Variants in GRM4 observed in about 807,000 individuals in gnomAD.
The protein encoded by GRM4 is glutamate metabotropic receptor 4.
Under a neutral mutation model 81.7 loss-of-function variants are expected in GRM4, and 28 were observed. The ratio of observed to expected loss-of-function variants is 0.34; its 90% CI spans 0.25 to 0.47. GRM4 has a LOEUF of 0.47. Ranked by LOEUF, GRM4 falls within the 20% of genes least tolerant of loss-of-function variation. The pLI is 1.00. For missense variants in GRM4, 948 were observed against 1,290.0 expected, an observed-to-expected ratio of 0.73 and a Z score of 4.06; for synonymous variants, 488 against 528.8, an observed-to-expected ratio of 0.92 and a Z score of 1.06.
At chr6:34,135,873 T>C (rs1770435400) in intron 1 of GRM4, among the ~76,000 whole-genome samples, 1 of 152,214 alleles carries the variant, frequency 6.6e-6, no homozygotes, top group Non-Finnish European at 1.5e-5. Context: ...CAGGAAAATC[T>C]GTAAAATGGG....
chr6:34,056,634 T>G lies in GRM4; in HGVS notation c.1078A>C (p.Ile360Leu). Residue 360 changes from isoleucine to leucine, a missense_variant, in exon 6 of 11, where the codon ATC (isoleucine) becomes CTC (leucine). Coordinates refer to ENST00000538487, the MANE Select transcript of GRM4 (RefSeq NM_000841.4). ...SRTLDNNRRN[I>L]WFAEFWEDNF... The stretch of plus-strand genomic sequence containing the variant: ...TCCTCCCAGAACTCGGCAAACCAGA[T>G]GTTGCGCCGGTTGTTGTCCAGCGTG... 2 of 1,613,844 alleles carry G rather than the reference T, an allele frequency of 1.2e-6. No individual in the cohort carries two copies. The highest frequency in any genetic ancestry group is 1.7e-6 in the Non-Finnish European group (2 of 1,179,976).
chr6:34,130,157 G>A lies in GRM4; in HGVS notation c.519+2821C>T, dbSNP rs759478299. On this transcript the variant is annotated intron_variant, in intron 2 of 10. Coordinates refer to ENST00000538487, the MANE Select transcript of GRM4 (RefSeq NM_000841.4). This position sits in a 1 kb window ranked among gnomAD's most constrained non-coding sequence, Gnocchi z 4.1. Reference sequence around the variant, plus strand: ...TTCAATCTTTTTGCTTCTGTAAATGGCTTTTAAGTTTCTCACCCAGCCTCT... The same window carrying A: ...TTCAATCTTTTTGCTTCTGTAAATGACTTTTAAGTTTCTCACCCAGCCTCT... Among the ~76,000 whole-genome samples the A allele has an allele frequency of 6.6e-6, 1 of 152,124 alleles. No homozygotes were observed. Among genetic ancestry groups the A allele is most frequent in the Non-Finnish European group, 1.5e-5 (1 of 68,012 alleles).
Position 34,049,637 on chromosome 6 carries a change from C to A in GRM4, c.1168+6907G>T, listed in dbSNP as rs143282631. On this transcript the variant is annotated intron_variant, in intron 6 of 10. Transcript: ENST00000538487. Reference sequence around the variant, plus strand: ...CTCCACCAAAGCCCTGCCTTCCTTCCCAGCCTGCTCCTCCTCCCGCCCACC... The same window carrying A: ...CTCCACCAAAGCCCTGCCTTCCTTCACAGCCTGCTCCTCCTCCCGCCCACC... Among the ~76,000 whole-genome samples, 16 of 152,282 alleles carry A rather than the reference C, an allele frequency of 1.1e-4. No homozygotes were observed. In the East Asian group the frequency reaches 2.9e-3, roughly 28 times the overall value.
At chr6:34,134,289 T>A (rs1186835738) in intron 1 of GRM4, among the ~76,000 whole-genome samples, 1 of 151,392 alleles carries the variant, frequency 6.6e-6, no homozygotes, top group East Asian at 1.9e-4. Context: ...ACGCAGGGAG[T>A]GTGCAGTTTA....
At chr6:34,094,393 C>A (rs1177790085) in intron 2 of GRM4, among the ~76,000 whole-genome samples, 1 of 152,236 alleles carries the variant, frequency 6.6e-6, no homozygotes, top group African/African-American at 2.4e-5. Flanking sequence ...GCTCTGTCAG[C>A]AGTGACTGAA....
chr6:34,145,584 TG>T (rs1770895577), intron 1 of GRM4, among the ~76,000 whole-genome samples: 1 of 151,608 alleles, frequency 6.6e-6, no homozygotes, highest in Admixed American at 6.6e-5. Context: ...GAGAGCGCGC[TG>T]GAGAGCGAGC....
At chr6:34,154,719 C>G (rs933672013) in intron 1 of GRM4, among the ~76,000 whole-genome samples, 1 of 152,234 alleles carries the variant, frequency 6.6e-6, no homozygotes, top group African/African-American at 2.4e-5. Flanking sequence ...AGTCGGCACC[C>G]CGGCCCGGCT....
chr6:34,022,815 G>C lies in GRM4; in HGVS notation c.*6C>G, dbSNP rs1203708998. 1 of 1,612,374 alleles carries C rather than the reference G, an allele frequency of 6.2e-7. No homozygotes were observed. The highest frequency in any genetic ancestry group is 1.7e-5 in the Admixed American group (1 of 60,024). Reference sequence around the variant, plus strand: ...CCTCCTCCTGCTGCTCAGCTCCATGGACTCGCTAGATTGCATGGTTGGTGT... The same window carrying C: ...CCTCCTCCTGCTGCTCAGCTCCATGCACTCGCTAGATTGCATGGTTGGTGT... On this transcript the variant is annotated 3_prime_UTR_variant, in exon 11 of 11. Coordinates refer to ENST00000538487, the MANE Select transcript of GRM4 (RefSeq NM_000841.4). The surrounding 1 kb of genome is among the most constrained non-coding windows in gnomAD (Gnocchi z 5.6).
Position 34,069,255 on chromosome 6 carries a change from C to G in GRM4, c.737-7227G>C, listed in dbSNP as rs1054417308. On this transcript the variant is annotated intron_variant, in intron 3 of 10. Transcript: ENST00000538487. This position sits in a 1 kb window ranked among gnomAD's most constrained non-coding sequence, Gnocchi z 6.4. ...CTGACTTCCAAAGCCAGGCCCTTCC[C>G]CAAAACAGCTCTCAGGAAGGGGACC... is the stretch of plus-strand genomic sequence containing the variant. Among the ~76,000 whole-genome samples, 1 of 152,076 alleles carries G rather than the reference C, an allele frequency of 6.6e-6. No individual in the cohort carries two copies. Among genetic ancestry groups the G allele is most frequent in the Non-Finnish European group, 1.5e-5 (1 of 68,008 alleles).
Position 34,092,176 on chromosome 6 carries a change from C to T in GRM4, c.520-77G>A. On this transcript the variant is annotated intron_variant, in intron 2 of 10. Transcript: ENST00000538487. This position sits in a 1 kb window ranked among gnomAD's most constrained non-coding sequence, Gnocchi z 6.8. ...TAGCCAGCCCCATTCCCCTACACAC[C>T]AACCTCCCTTTGGTCCCCACAGCCT... 2.1e-6 allele frequency: 2 copies of T among 958,112 alleles called. No homozygotes were observed. The highest frequency in any genetic ancestry group is 3.2e-6 in the Non-Finnish European group (2 of 619,662). The allele number at this position is 958,112 out of a possible 1,614,324, so 59.4% of individuals were successfully genotyped here.
chr6:34,154,356 G>T (rs1334084322), intron 1 of GRM4, among the ~76,000 whole-genome samples: 2 of 152,026 alleles, frequency 1.3e-5, no homozygotes, highest in Non-Finnish European at 2.9e-5. Context: ...CCTTCTCTTC[G>T]GCACCCAAAA....
chr6:34,108,135 C>T (rs1561817852), intron 2 of GRM4, among the ~76,000 whole-genome samples: 1 of 152,216 alleles, frequency 6.6e-6, no homozygotes, highest in Non-Finnish European at 1.5e-5. Context: ...GGCCACCCTG[C>T]CCCACCTCCA....
At chr6:34,096,724 C>T (rs1398230003) in intron 2 of GRM4, among the ~76,000 whole-genome samples, 3 of 152,238 alleles carry the variant, frequency 2.0e-5, no homozygotes, top group Non-Finnish European at 4.4e-5. Context: ...TGCCTGCAGC[C>T]ACCACCCAGG....
upstream of GRM4, among the ~76,000 whole-genome samples, chr6:34,148,629 C>T (rs1039500311): frequency 6.6e-6 from 1 of 152,178 alleles, no homozygotes; most frequent in South Asian, 2.1e-4. Context: ...CCCTGTAAGT[C>T]GTGCTCTGAC....
At chr6:34,149,873 T>C (rs1771010364), upstream of GRM4, among the ~76,000 whole-genome samples, 2 of 152,212 alleles carry the variant, frequency 1.3e-5, no homozygotes, top group African/African-American at 2.4e-5. Context: ...AGTTTGTCCA[T>C]AGTTTTCGGC....
chr6:34,024,260 T>C, intron 10 of GRM4: 1 of 181,724 alleles, frequency 5.5e-6, no homozygotes, highest in Admixed American at 5.4e-5. Context: ...GGAAGGACTG[T>C]GTGCAGCTCC....
chr6:34,153,438 G>C (rs1201326975), intron 1 of GRM4, among the ~76,000 whole-genome samples: 1 of 152,248 alleles, frequency 6.6e-6, no homozygotes, highest in Non-Finnish European at 1.5e-5. Context: ...GCCTTGGCTT[G>C]TCCCCACCAA....
intron 3 of GRM4, among the ~76,000 whole-genome samples, chr6:34,087,108 G>C (rs1187756180): frequency 1.3e-5 from 2 of 150,292 alleles, no homozygotes; most frequent in African/African-American, 2.5e-5. Context: ...CTGGGCAAGA[G>C]AGTGAGACCC....
Position 34,142,040 on chromosome 6 carries a change from C to T in GRM4, c.-364+3960G>A, listed in dbSNP as rs542460446. On this transcript the variant is annotated intron_variant, in intron 1 of 10. Coordinates refer to ENST00000538487, the MANE Select transcript of GRM4 (RefSeq NM_000841.4). ...ACCCTCTAACTTAATTTTTTATAGT[C>T]CCCTGCTAACTACAGCAGAGGTGAC... Among the ~76,000 whole-genome samples the T allele has an allele frequency of 3.5e-4, 53 of 152,316 alleles. 1 individual carries two copies. In the South Asian group the frequency reaches 0.01, roughly 30 times the overall value.
Sources: gnomAD v4.1 joint callset for allele counts (sites outside exome capture counted in the v4.1 genomes callset) on GRCh38, gnomAD v4.1.1 for gene constraint, Gnocchi (gnomAD v3.1) non-coding constraint, MANE v1.5 for transcripts, NCBI Gene and HGNC (gene_info 2026-07-23, HGNC 2026-07-21) for gene names.